The following PRKCH variants were observed in gnomAD, a reference collection of about 807,000 sequenced individuals.
PRKCH encodes protein kinase C eta, also known as protein kinase C eta type.
In PRKCH, 28 loss-of-function variants were observed where a neutral mutation model predicts 82.5. That is an observed-to-expected ratio of 0.34 (90% confidence interval 0.25 to 0.47). PRKCH has a LOEUF of 0.47. Ranked by LOEUF, PRKCH falls within the 20% of genes least tolerant of loss-of-function variation. PRKCH has a pLI of 1.00. For missense variants in PRKCH, 705 were observed against 881.8 expected, an observed-to-expected ratio of 0.80 and a Z score of 2.54; for synonymous variants, 322 against 327.4, an observed-to-expected ratio of 0.98 and a Z score of 0.18.
intron 2 of PRKCH, among the ~76,000 whole-genome samples, chr14:61,398,020 T>C (rs1367731141): frequency 6.6e-6 from 1 of 152,226 alleles, no homozygotes; most frequent in Admixed American, 6.5e-5. Flanking sequence ...ACTGTTCATC[T>C]TGTTAAAGGT....
chr14:61,499,298 G>A (rs924046398), intron 10 of PRKCH, among the ~76,000 whole-genome samples: 1 of 152,178 alleles, frequency 6.6e-6, no homozygotes, highest in African/African-American at 2.4e-5. Flanking sequence ...AAGTAGAAAT[G>A]TGAAGTGGTA....
At chr14:61,493,222 G>C (rs564776754) in intron 10 of PRKCH, among the ~76,000 whole-genome samples, 1 of 152,294 alleles carries the variant, frequency 6.6e-6, no homozygotes, top group South Asian at 2.1e-4. Flanking sequence ...TGAAAAGCCT[G>C]GAGGTAGGTA....
At chr14:61,536,151 G>A (rs1036801242) in intron 12 of PRKCH, among the ~76,000 whole-genome samples, 21 of 149,972 alleles carry the variant, frequency 1.4e-4, no homozygotes, top group African/African-American at 5.1e-4. Context: ...CCAGTCTCGG[G>A]TTCCTGGCCT....
intron 9 of PRKCH, among the ~76,000 whole-genome samples, chr14:61,472,984 A>G (rs1329269337): frequency 6.6e-6 from 1 of 152,228 alleles, no homozygotes; most frequent in East Asian, 1.9e-4. Context: ...ACACCATGTG[A>G]TGGAGAGAAG....
At chr14:61,394,976 A>G (rs1356406331) in intron 2 of PRKCH, among the ~76,000 whole-genome samples, 3 of 152,130 alleles carry the variant, frequency 2.0e-5, no homozygotes, top group Non-Finnish European at 4.4e-5. Context: ...ACAGTGATAG[A>G]GATTGATGTC....
chr14:61,545,066 A>G lies in PRKCH; in HGVS notation c.1762-2677A>G, dbSNP rs2043236637. On this transcript the variant is annotated intron_variant, in intron 12 of 13. Coordinates refer to ENST00000332981, the MANE Select transcript of PRKCH (RefSeq NM_006255.5). ...CACGCTGTGGCTAGTGTCATCCCCT[A>G]AATTGCCGTGCAGCTCTCATCACTC... is the stretch of plus-strand genomic sequence containing the variant. The G allele has an allele frequency of 3.9e-5, 6 of 152,286 alleles. No individual in the cohort carries two copies. In the South Asian group the frequency reaches 1.2e-3, roughly 32 times the overall value. 9.4% of individuals were successfully genotyped at this position (152,286 alleles called of 1,614,324 possible).
intron 1 of PRKCH, among the ~76,000 whole-genome samples, chr14:61,257,285 TAAAG>T (rs1415359534): frequency 6.6e-6 from 1 of 151,868 alleles, no homozygotes; most frequent in African/African-American, 2.4e-5. Context: ...AAACAGCTGG[TAAAG>T]AAAGCACGCA....
chr14:61,221,756 C>T (rs377490020), intron 1 of PRKCH, among the ~76,000 whole-genome samples: 33 of 152,256 alleles, frequency 2.2e-4, no homozygotes, highest in African/African-American at 7.9e-4. Context: ...CTCCAGACCC[C>T]CCAGTGTCAC....
Position 61,280,267 on chromosome 14 carries a change from C to T in PRKCH, c.-19+92599C>T, listed in dbSNP as rs759770300. 1.2e-6 allele frequency: 2 copies of T among 1,614,044 alleles called. No homozygotes were observed. Among genetic ancestry groups the T allele is most frequent in the Non-Finnish European group, 1.7e-6 (2 of 1,179,986 alleles). ...GAGGAGCTTGTGGCCGCCGAACGCG[C>T]GCACCGGGTAGTTGTAGGTGATGTT... On this transcript the variant is annotated intron_variant, in intron 1 of 3. Transcript: ENST00000555185. This position sits in a 1 kb window ranked among gnomAD's most constrained non-coding sequence, Gnocchi z 5.0.
intron 1 of PRKCH, among the ~76,000 whole-genome samples, chr14:61,276,404 G>GA (rs1382450002): frequency 3.3e-5 from 5 of 151,150 alleles, no homozygotes; most frequent in African/African-American, 1.2e-4. Flanking sequence ...CACCCAGGCT[G>GA]AAGTGCAGTG....
intron 1 of PRKCH, among the ~76,000 whole-genome samples, chr14:61,262,643 G>T (rs191993875): frequency 1.6e-4 from 25 of 152,222 alleles, no homozygotes; most frequent in Admixed American, 1.2e-3. Flanking sequence ...CGGACAAAAT[G>T]CATGGAGCTG....
At chr14:61,274,753 C>T (rs1412878982) in intron 1 of PRKCH, among the ~76,000 whole-genome samples, 1 of 152,104 alleles carries the variant, frequency 6.6e-6, no homozygotes, top group Non-Finnish European at 1.5e-5. Flanking sequence ...ACAGAAGTTA[C>T]AGTACCTATA....
At chr14:61,281,939 G>A (rs1383050535) in intron 1 of PRKCH, 1 of 135,224 alleles carries the variant, frequency 7.4e-6, no homozygotes, top group Non-Finnish European at 1.5e-5. Flanking sequence ...ACCCAGTCTG[G>A]CTGTATAACT....
In PRKCH at chr14:61,454,072, C is replaced by G. The variant is rs181131163; in HGVS notation, c.960+719C>G. On this transcript the variant is annotated intron_variant, in intron 7 of 13. Coordinates refer to ENST00000332981, the MANE Select transcript of PRKCH (RefSeq NM_006255.5). ...TAATAAACAGAAAGCAAAAGAAGGA[C>G]TTTTTTCCTTTCTTTCCTTTTTTTT... Among the ~76,000 whole-genome samples, 121 of 144,798 alleles carry G rather than the reference C, an allele frequency of 8.4e-4. 2 individuals carry two copies. The highest frequency in any genetic ancestry group is 3.3e-3 in the African/African-American group (115 of 34,892). The allele number at this position is 144,798 out of a possible 152,430, so 95.0% of individuals were successfully genotyped here.
At chr14:61,457,375 G>A in intron 8 of PRKCH, 56 bp downstream of exon 8, 7 of 1,461,366 alleles carry the variant, frequency 4.8e-6, no homozygotes, top group Non-Finnish European at 6.5e-6. Flanking sequence ...TGTATGGGGG[G>A]TGTGTGTGTG....
At chr14:61,483,294 G>A (rs1886065480) in intron 9 of PRKCH, among the ~76,000 whole-genome samples, 1 of 152,194 alleles carries the variant, frequency 6.6e-6, no homozygotes, top group Non-Finnish European at 1.5e-5. Context: ...AGAAAATACA[G>A]GACAGCCATT....
At chr14:61,349,720 G>T (rs897562107) in intron 1 of PRKCH, among the ~76,000 whole-genome samples, 50 of 152,224 alleles carry the variant, frequency 3.3e-4, no homozygotes, top group African/African-American at 1.2e-3. Flanking sequence ...AATTAGCCGG[G>T]CATGGAAGTG....
At chr14:61,490,240 C>G (rs4902067) in intron 10 of PRKCH, among the ~76,000 whole-genome samples, 105,050 of 152,108 alleles carry the variant, frequency 0.69, 39,520 homozygotes, top group Middle Eastern at 0.9. Flanking sequence ...TCACTGCCAA[C>G]TCTGACATGC....
chr14:61,253,245 G>C (rs1352899726), intron 1 of PRKCH, among the ~76,000 whole-genome samples: 2 of 152,220 alleles, frequency 1.3e-5, no homozygotes, highest in Non-Finnish European at 2.9e-5. Flanking sequence ...TCTAAGAGCA[G>C]CTTAACTGCC....
Sources: allele counts gnomAD v4.1 joint callset (sites outside exome capture counted in the v4.1 genomes callset), GRCh38; gene constraint gnomAD v4.1.1; non-coding constraint Gnocchi (gnomAD v3.1); transcripts MANE v1.5; gene names NCBI Gene and HGNC (gene_info 2026-07-23, HGNC 2026-07-21).